GOLT1B: variants seen among roughly 807,000 people sequenced by gnomAD.
The protein encoded by GOLT1B is golgi transport 1B.
GOLT1B carries 3 observed loss-of-function variants against 15.4 expected under a neutral mutation model. The observed-to-expected ratio is 0.19, with a 90% confidence interval of 0.09 to 0.50. GOLT1B has a LOEUF of 0.50. GOLT1B is among the 20% of genes least tolerant of loss of function. The probability of loss-of-function intolerance (pLI) is 0.97; values close to 1 mark genes in which losing one functional copy is unlikely to be tolerated. For missense variants in GOLT1B, 145 were observed against 160.4 expected, an observed-to-expected ratio of 0.90 and a Z score of 0.52; for synonymous variants, 65 against 56.2, an observed-to-expected ratio of 1.16 and a Z score of -0.70.
intron 3 of GOLT1B, among the ~76,000 whole-genome samples, chr12:21,509,021 A>G (rs1308672435): frequency 6.6e-6 from 1 of 152,212 alleles, no homozygotes; most frequent in Non-Finnish European, 1.5e-5. Context: ...TTTACCAAAT[A>G]CACTACTATG....
In GOLT1B at chr12:21,516,205, T is replaced by A. The variant is rs1244385874; in HGVS notation, c.*498T>A. On this transcript the variant is annotated 3_prime_UTR_variant, in exon 5 of 5. Transcript: ENST00000229314. ...GTATTAAAACCAAGGAAACCCCAATTTTGATGTATGGATTACTTTTTTTTG... is the reference window on the plus strand; with the variant it reads ...GTATTAAAACCAAGGAAACCCCAATATTGATGTATGGATTACTTTTTTTTG... The A allele has an allele frequency of 6.6e-6, 1 of 152,154 alleles. No homozygotes were observed. The highest frequency in any genetic ancestry group is 2.4e-5 in the African/African-American group (1 of 41,416). The allele number at this position is 152,154 out of a possible 1,614,324, so 9.4% of individuals were successfully genotyped here. A position where few individuals can be genotyped will look rare whatever the true frequency, so the allele number is the denominator to read the frequency against.
Position 21,501,804 on chromosome 12 carries a change from G to C in GOLT1B, c.-120G>C. The C allele has an allele frequency of 1.4e-6, 1 of 728,902 alleles. No homozygotes were observed. The highest frequency in any genetic ancestry group is 2.5e-6 in the Non-Finnish European group (1 of 400,356). The allele number at this position is 728,902 out of a possible 1,614,324, so 45.2% of individuals were successfully genotyped here. On this transcript the variant is annotated 5_prime_UTR_variant, in exon 1 of 5. Coordinates refer to ENST00000229314, the MANE Select transcript of GOLT1B (RefSeq NM_016072.5). Reference sequence around the variant, plus strand: ...TTAAAGCGGCAGTGAGGGTGGCTGCGTGTTTCCGGAAGACGTGGCGGCTCT... The same window carrying C: ...TTAAAGCGGCAGTGAGGGTGGCTGCCTGTTTCCGGAAGACGTGGCGGCTCT...
intron 2 of GOLT1B, among the ~76,000 whole-genome samples, chr12:21,507,752 G>A (rs1235375778): frequency 1.3e-5 from 2 of 152,012 alleles, no homozygotes; most frequent in African/African-American, 4.8e-5. Flanking sequence ...AGAAAACCTG[G>A]GGAAAGCAAG....
At chr12:21,507,665 A>T (rs1943689278) in intron 2 of GOLT1B, among the ~76,000 whole-genome samples, 1 of 152,166 alleles carries the variant, frequency 6.6e-6, no homozygotes, top group Admixed American at 6.5e-5. Flanking sequence ...TATGAAGCTT[A>T]ACCATTAGGC....
chr12:21,511,489 C>T (rs912161972), intron 3 of GOLT1B, among the ~76,000 whole-genome samples: 33 of 152,160 alleles, frequency 2.2e-4, no homozygotes, highest in African/African-American at 7.7e-4. Context: ...CACAGCCCCC[C>T]TCCCCTTCGT....
At chr12:21,512,266 A>G (rs371357146) in intron 3 of GOLT1B, 29 bp from the exon 4 acceptor site, 61 of 1,108,756 alleles carry the variant, frequency 5.5e-5, no homozygotes, top group Non-Finnish European at 8.0e-5. Context: ...ATGTGTAAAT[A>G]TTAAGAACCT....
intron 3 of GOLT1B, among the ~76,000 whole-genome samples, chr12:21,511,913 T>C (rs1943722613): frequency 2.0e-5 from 3 of 152,196 alleles, no homozygotes; most frequent in Admixed American, 2.0e-4. Flanking sequence ...ATCTGGCAGG[T>C]AGTCTCTTAG....
At position 21,506,985 on chromosome 12, in the gene GOLT1B, T is replaced by C. The variant is rs111683958; in HGVS notation, c.117+9T>C. Reference sequence around the variant, plus strand: ...TACTGGCTATTGGAAATGTGAGTTTTTAAATATATATTTTAACTAAATTTA... The same window carrying C: ...TACTGGCTATTGGAAATGTGAGTTTCTAAATATATATTTTAACTAAATTTA... On this transcript the variant is annotated intron_variant, in intron 2 of 4. Coordinates refer to ENST00000229314, the MANE Select transcript of GOLT1B (RefSeq NM_016072.5). 6.5e-6 allele frequency: 7 copies of C among 1,072,914 alleles called. No homozygotes were observed. In the Admixed American group the frequency reaches 1.3e-4, roughly 19 times the overall value. The allele number at this position is 1,072,914 out of a possible 1,614,324, so 66.5% of individuals were successfully genotyped here. A position where few individuals can be genotyped will look rare whatever the true frequency, so the allele number is the denominator to read the frequency against.
chr12:21,504,775 A>G (rs940009641), intron 1 of GOLT1B, among the ~76,000 whole-genome samples: 2 of 152,218 alleles, frequency 1.3e-5, no homozygotes, highest in African/African-American at 4.8e-5. Flanking sequence ...ACGGTAAACC[A>G]TACTCAGAGA....
At chr12:21,511,736 G>T (rs1429237989) in intron 3 of GOLT1B, among the ~76,000 whole-genome samples, 1 of 152,104 alleles carries the variant, frequency 6.6e-6, no homozygotes, top group Non-Finnish European at 1.5e-5. Context: ...TTAAGACCCA[G>T]GAAAAGTTTA....
intron 2 of GOLT1B, 144 bp downstream of exon 2, chr12:21,507,120 T>G (rs1430948786): frequency 3.0e-6 from 2 of 667,938 alleles, no homozygotes; most frequent in Non-Finnish European, 5.5e-6. Context: ...CCATCAGGAA[T>G]GAAACCTGTC....
intron 4 of GOLT1B, 40 bp from the exon 5 acceptor site, chr12:21,515,628 TC>T: frequency 1.9e-6 from 2 of 1,033,620 alleles, no homozygotes; most frequent in East Asian, 4.8e-5. Context: ...TTTATAATGT[TC>T]CGGGCTTTCT....
intron 4 of GOLT1B, among the ~76,000 whole-genome samples, chr12:21,514,932 A>G (rs928938267): frequency 6.6e-6 from 1 of 152,026 alleles, no homozygotes; most frequent in Non-Finnish European, 1.5e-5. Flanking sequence ...GGGTTATATA[A>G]CTTTTAATGT....
chr12:21,509,357 A>C (rs1943702618), intron 3 of GOLT1B, among the ~76,000 whole-genome samples: 1 of 125,776 alleles, frequency 8.0e-6, no homozygotes, highest in Non-Finnish European at 1.6e-5. Context: ...CGATCACACC[A>C]TTGCACTCCA....
intron 2 of GOLT1B, 124 bp from the exon 3 acceptor site, chr12:21,508,259 A>C: frequency 3.2e-6 from 2 of 627,708 alleles, no homozygotes; most frequent in Non-Finnish European, 5.5e-6. Flanking sequence ...CTGTCTGGCC[A>C]GTTGCCCACA....
chr12:21,509,052 A>G (rs1943700461), intron 3 of GOLT1B, among the ~76,000 whole-genome samples: 1 of 152,170 alleles, frequency 6.6e-6, no homozygotes, highest in Non-Finnish European at 1.5e-5. Context: ...AGCAGGTAAT[A>G]TTTTGTAAAT....
intron 3 of GOLT1B, among the ~76,000 whole-genome samples, chr12:21,509,413 A>C (rs1591761888): frequency 6.6e-6 from 1 of 151,366 alleles, no homozygotes; most frequent in South Asian, 2.1e-4. Flanking sequence ...AAAAAAAAAA[A>C]AAAAAAAAAA....
At chr12:21,515,322 C>T (rs1943748083) in intron 4 of GOLT1B, 1 of 876,542 alleles carries the variant, frequency 1.1e-6, no homozygotes, top group South Asian at 1.7e-5. Context: ...GCTGACATTT[C>T]AGTTTTTTTT....
rs1334233175 is a variant in GOLT1B, at chr12:21,501,829, TCGC to T, written c.-93_-91del. ...GTGTTTCCGGAAGACGTGGCGGCTC[TCGC>T]CTGGGCTGTTTCCCGGCTTCATTTC... On this transcript the variant is annotated 5_prime_UTR_variant, in exon 1 of 5. Transcript: ENST00000229314. The T allele has an allele frequency of 2.3e-6, 2 of 860,704 alleles. No homozygotes were observed. The highest frequency in any genetic ancestry group is 3.2e-5 in the African/African-American group (2 of 61,664). 53.3% of individuals were successfully genotyped at this position (860,704 alleles called of 1,614,324 possible). A position where few individuals can be genotyped will look rare whatever the true frequency, so the allele number is the denominator to read the frequency against.
Sources: allele counts gnomAD v4.1 joint callset (sites outside exome capture counted in the v4.1 genomes callset), GRCh38; gene constraint gnomAD v4.1.1; transcripts MANE v1.5; gene names NCBI Gene and HGNC (gene_info 2026-07-23, HGNC 2026-07-21).